The following NEBL variants were observed in gnomAD, a reference collection of about 807,000 sequenced individuals.
NEBL encodes LIM and SH3 protein 2.
NEBL carries 122 observed loss-of-function variants against 140.2 expected under a neutral mutation model. That is an observed-to-expected ratio of 0.87 (90% CI 0.75 to 1.01). The LOEUF is 1.01. NEBL is among the 50% of genes least tolerant of loss of function. The pLI, the probability that NEBL is intolerant of heterozygous loss-of-function variation, is 0.00. For missense variants in NEBL, 1,365 were observed against 1,231.3 expected, an observed-to-expected ratio of 1.11 and a Z score of -1.62; for synonymous variants, 436 against 398.9, an observed-to-expected ratio of 1.09 and a Z score of -1.11.
At chr10:20,925,567 C>T (rs1003133771) in intron 4 of NEBL, among the ~76,000 whole-genome samples, 2 of 152,128 alleles carry the variant, frequency 1.3e-5, no homozygotes, top group Non-Finnish European at 2.9e-5. Context: ...GAGTGGCTGG[C>T]CTGACTTACC....
chr10:21,031,629 C>G (rs1207826415), intron 2 of NEBL, among the ~76,000 whole-genome samples: 1 of 152,194 alleles, frequency 6.6e-6, no homozygotes, highest in African/African-American at 2.4e-5. Context: ...CTGAAGCCAG[C>G]TCCAAGCTGC....
intron 3 of NEBL, among the ~76,000 whole-genome samples, chr10:21,246,324 A>G (rs990553905): frequency 2.6e-5 from 4 of 152,250 alleles, no homozygotes; most frequent in African/African-American, 9.6e-5. Flanking sequence ...TATTTAACAT[A>G]CACTCGCCAT....
At chr10:21,233,544 A>C (rs1842293653) in intron 3 of NEBL, among the ~76,000 whole-genome samples, 1 of 149,208 alleles carries the variant, frequency 6.7e-6, no homozygotes, top group Non-Finnish European at 1.5e-5. Flanking sequence ...ATATATATGC[A>C]TATATACATA....
intron 4 of NEBL, among the ~76,000 whole-genome samples, chr10:20,961,334 C>T (rs1018448583): frequency 3.9e-5 from 6 of 151,992 alleles, no homozygotes; most frequent in South Asian, 2.1e-4. Flanking sequence ...GACTCCTAAC[C>T]TTATATGTAT....
chr10:20,920,482 C>A (rs905021450), intron 4 of NEBL, among the ~76,000 whole-genome samples: 1 of 152,186 alleles, frequency 6.6e-6, no homozygotes, highest in Admixed American at 6.5e-5. Context: ...TTTCTGCATA[C>A]CGCTAAGGAG....
At chr10:21,265,343 GT>G in intron 1 of NEBL, among the ~76,000 whole-genome samples, 1 of 152,214 alleles carries the variant, frequency 6.6e-6, no homozygotes, top group Non-Finnish European at 1.5e-5. Flanking sequence ...TCCTGGGGCA[GT>G]GGGAGGGGGA....
chr10:21,159,242 G>A (rs1029235204), intron 2 of NEBL, among the ~76,000 whole-genome samples: 1 of 150,820 alleles, frequency 6.6e-6, no homozygotes, highest in Admixed American at 6.6e-5. Flanking sequence ...TCTTCTGTTT[G>A]TTCAGCAAAT....
Position 20,990,308 on chromosome 10 carries a change from C to T in NEBL, c.250-28529G>A, listed in dbSNP as rs147295044. On this transcript the variant is annotated intron_variant, in intron 3 of 6. Transcript: ENST00000417816. ...CACTTACAGCTATGTTTGTGTCCTC[C>T]CCAAATTCATATGTTGAAGCCTAAT... Among the ~76,000 whole-genome samples the T allele has an allele frequency of 6.2e-3, 948 of 152,264 alleles. 8 individuals carry two copies. Among genetic ancestry groups the T allele is most frequent in the Non-Finnish European group, 0.012 (790 of 68,014 alleles).
At position 21,173,053 on chromosome 10, in the gene NEBL, C is replaced by T. The variant is rs1841151342; in HGVS notation, c.70-576G>A. Among the ~76,000 whole-genome samples the T allele has an allele frequency of 6.6e-6, 1 of 152,138 alleles. No individual in the cohort carries two copies. Among genetic ancestry groups the T allele is most frequent in the Non-Finnish European group, 1.5e-5 (1 of 68,042 alleles). ...TCAGACGCAAATTTCCCCAGAACGC[C>T]CCTGGCTGGTTTCAACTGTCAGTCA... On this transcript the variant is annotated intron_variant, in intron 1 of 6. Coordinates refer to the NEBL transcript ENST00000417816. The surrounding 1 kb of genome is among the most constrained non-coding windows in gnomAD (Gnocchi z 5.7).
At chr10:21,037,712 TA>T (rs1834073350) in intron 2 of NEBL, among the ~76,000 whole-genome samples, 1 of 152,062 alleles carries the variant, frequency 6.6e-6, no homozygotes, top group Non-Finnish European at 1.5e-5. Context: ...AGTGATTTTT[TA>T]AAAAATGTGT....
chr10:21,166,219 CAAAA>C (rs1170225891), intron 2 of NEBL, among the ~76,000 whole-genome samples: 1 of 35,374 alleles, frequency 2.8e-5, no homozygotes, highest in African/African-American at 8.3e-5. Context: ...GACTGTGTCT[CAAAA>C]AAAAAAAAAA....
intron 3 of NEBL, among the ~76,000 whole-genome samples, chr10:20,999,425 C>A (rs1444873437): frequency 6.6e-6 from 1 of 152,088 alleles, no homozygotes; most frequent in Non-Finnish European, 1.5e-5. Context: ...GGCAAGACCC[C>A]ATCCCTACTA....
In NEBL at chr10:21,068,906, G is replaced by A. The variant is rs539912497; in HGVS notation, c.165-48705C>T. 2.0e-5 allele frequency among the ~76,000 whole-genome samples: 3 copies of A among 152,206 alleles called. No homozygotes were observed. The South Asian group carries it at 6.2e-4, about 32-fold the overall frequency. On this transcript the variant is annotated intron_variant, in intron 2 of 6. Coordinates refer to the NEBL transcript ENST00000417816. Reference sequence around the variant, plus strand: ...TGTTATTGTTGTTGTTGTTGTTTAAGACTGATTCTCACTCTGTCACCCAGA... The same window carrying A: ...TGTTATTGTTGTTGTTGTTGTTTAAAACTGATTCTCACTCTGTCACCCAGA...
chr10:20,819,934 A>T (rs1839131199), intron 19 of NEBL, among the ~76,000 whole-genome samples: 1 of 152,038 alleles, frequency 6.6e-6, no homozygotes, highest in African/African-American at 2.4e-5. Context: ...TTTCCTTCAG[A>T]TTATATTATT....
At chr10:21,234,578 A>G (rs1842324034) in intron 3 of NEBL, among the ~76,000 whole-genome samples, 1 of 152,148 alleles carries the variant, frequency 6.6e-6, no homozygotes, top group African/African-American at 2.4e-5. Context: ...GTTCCTTTAG[A>G]GCAGTGTAAA....
chr10:20,999,156 TGG>T lies in NEBL; in HGVS notation c.249+20959_249+20960del, dbSNP rs374183778. Among the ~76,000 whole-genome samples the T allele has an allele frequency of 1.2e-3, 160 of 128,326 alleles. 2 individuals carry two copies. The highest frequency in any genetic ancestry group is 1.8e-3 in the Admixed American group (24 of 13,398). The allele number at this position is 128,326 out of a possible 152,430, so 84.2% of individuals were successfully genotyped here. A position where few individuals can be genotyped will look rare whatever the true frequency, so the allele number is the denominator to read the frequency against. ...AACTGTACAGAAACCCAGAGGTGTG[TGG>T]GGGGAAAAAAAAAAAAAAAGGCTGT... On this transcript the variant is annotated intron_variant, in intron 3 of 6. Coordinates refer to the NEBL transcript ENST00000417816.
chr10:21,214,037 AATG>A (rs1472163194), intron 3 of NEBL, among the ~76,000 whole-genome samples: 2 of 152,138 alleles, frequency 1.3e-5, no homozygotes, highest in Non-Finnish European at 2.9e-5. Context: ...TTGTGTCTTG[AATG>A]ATGATAATAC....
At chr10:21,084,003 T>C (rs1054843040) in intron 2 of NEBL, among the ~76,000 whole-genome samples, 1 of 152,144 alleles carries the variant, frequency 6.6e-6, no homozygotes, top group Admixed American at 6.5e-5. Flanking sequence ...CTAATACAAT[T>C]GTCATCTTGG....
chr10:21,233,659 T>C (rs1382062332), intron 3 of NEBL, among the ~76,000 whole-genome samples: 2 of 144,552 alleles, frequency 1.4e-5, no homozygotes, highest in South Asian at 2.1e-4. Flanking sequence ...TATACATATA[T>C]AGATATATAT....
Sources: gnomAD v4.1 joint callset for allele counts (sites outside exome capture counted in the v4.1 genomes callset) on GRCh38, gnomAD v4.1.1 for gene constraint, Gnocchi (gnomAD v3.1) non-coding constraint, MANE v1.5 for transcripts, NCBI Gene and HGNC (gene_info 2026-07-23, HGNC 2026-07-21) for gene names.